The following ATP11C variants were observed in gnomAD, a reference collection of about 807,000 sequenced individuals.
ATP11C encodes the protein phospholipid-transporting ATPase IG.
A neutral mutation model predicts 97.4 loss-of-function variants in ATP11C; 36 were observed. The ratio of observed to expected loss-of-function variants is 0.37; its 90% CI spans 0.28 to 0.49. The LOEUF (loss-of-function observed/expected upper bound fraction) is 0.49, where lower values mean the gene tolerates loss of function less well. ATP11C is among the 20% of genes least tolerant of loss of function. The probability of loss-of-function intolerance (pLI) is 0.98; values close to 1 mark genes in which losing one functional copy is unlikely to be tolerated. For missense variants in ATP11C, 730 were observed against 824.6 expected, an observed-to-expected ratio of 0.89 and a Z score of 1.40; for synonymous variants, 275 against 290.9, an observed-to-expected ratio of 0.95 and a Z score of 0.56.
chrX:139,839,809 A>G (rs2083801163), intron 1 of ATP11C, among the ~76,000 whole-genome samples: 1 of 110,991 alleles, frequency 9.0e-6, no homozygotes, highest in Admixed American at 9.6e-5. Context: ...TCTTCCTCCT[A>G]TTTCCTCAAC....
intron 26 of ATP11C, among the ~76,000 whole-genome samples, chrX:139,742,069 G>A (rs1336657100): frequency 9.0e-6 from 1 of 111,714 alleles, no homozygotes; most frequent in Non-Finnish European, 1.9e-5. Context: ...CAAAGAGGAG[G>A]GAGTGGAAGT....
chrX:139,931,684 T>C (rs778576118), intron 1 of ATP11C, among the ~76,000 whole-genome samples: 2 of 111,982 alleles, frequency 1.8e-5, no homozygotes, highest in African/African-American at 6.5e-5. Context: ...CTTCGACTAA[T>C]TGGCAAACTG....
chrX:139,819,447 A>G lies in ATP11C; in HGVS notation c.148-20T>C. On this transcript the variant is annotated intron_variant, in intron 2 of 29. Transcript: ENST00000682941. ...TGTATACTGTAAGGGAGGAAGAAAA[A>G]AGAACACTGTTATGAAGAAAACTTG... The G allele has an allele frequency of 1.2e-6, 1 of 847,804 alleles. No homozygotes were observed. Among genetic ancestry groups the G allele is most frequent in the South Asian group, 2.9e-5 (1 of 34,560 alleles). The allele number at this position is 847,804 out of a possible 1,213,427, so 69.9% of individuals were successfully genotyped here.
intron 20 of ATP11C, among the ~76,000 whole-genome samples, chrX:139,765,357 G>C (rs2082115205): frequency 8.9e-6 from 1 of 112,110 alleles, no homozygotes; most frequent in African/African-American, 3.2e-5. Flanking sequence ...GCATATAAAT[G>C]AAGTAGTAGA....
chrX:139,857,364 T>C (rs1458788624), intron 1 of ATP11C, among the ~76,000 whole-genome samples: 2 of 111,980 alleles, frequency 1.8e-5, no homozygotes, highest in Non-Finnish European at 3.8e-5. Flanking sequence ...TTTCAAAGAA[T>C]TAATATGTCA....
Position 139,864,452 on chromosome X carries a change from G to A in ATP11C, c.28-37629C>T, listed in dbSNP as rs112222429. The stretch of plus-strand genomic sequence containing the variant: ...CTTGTTCAAGTGTGTGGCAGATGTG[G>A]AAAGTGACAGTAAAAAAGATTTTAG... On this transcript the variant is annotated intron_variant, in intron 1 of 29. Transcript: ENST00000682941. Among the ~76,000 whole-genome samples, 353 of 112,195 alleles carry A rather than the reference G, an allele frequency of 3.1e-3. 2 individuals carry two copies. The highest frequency in any genetic ancestry group is 9.7e-3 in the African/African-American group (300 of 30,895).
rs1362623574 is a variant in ATP11C, at chrX:139,787,074, ATTTTT to A, written c.1592+94_1592+98del. Reference sequence around the variant, plus strand: ...CTGAACTGGGAGAGCAGGGTCCTGTATTTTTAGTGGCATCATTTCCTTTGCTGCCC... The same window carrying A: ...CTGAACTGGGAGAGCAGGGTCCTGTAAGTGGCATCATTTCCTTTGCTGCCC... On this transcript the variant is annotated intron_variant, in intron 15 of 29. Transcript: ENST00000682941. 82 of 1,131,765 alleles carry A rather than the reference ATTTTT, an allele frequency of 7.2e-5. 1 individual carries two copies. The African/African-American group carries it at 8.7e-4, about 12-fold the overall frequency. The allele number at this position is 1,131,765 out of a possible 1,213,427, so 93.3% of individuals were successfully genotyped here. A position where few individuals can be genotyped will look rare whatever the true frequency, so the allele number is the denominator to read the frequency against.
chrX:139,777,112 G>A (rs747531588), intron 18 of ATP11C, among the ~76,000 whole-genome samples: 51 of 110,914 alleles, frequency 4.6e-4, no homozygotes, highest in African/African-American at 1.7e-3. Flanking sequence ...GAACTCTGGC[G>A]GTACAAAAAG....
At chrX:139,865,047 A>C (rs1335618554) in intron 1 of ATP11C, among the ~76,000 whole-genome samples, 1 of 112,028 alleles carries the variant, frequency 8.9e-6, no homozygotes, top group Non-Finnish European at 1.9e-5. Context: ...TACTGTGTCT[A>C]ATCAAAGTCA....
intron 1 of ATP11C, among the ~76,000 whole-genome samples, chrX:139,866,071 C>T (rs1365657173): frequency 2.7e-5 from 3 of 110,855 alleles, no homozygotes; most frequent in African/African-American, 6.5e-5. Flanking sequence ...AAGGGCCAAG[C>T]GCGGTGGCAC....
At chrX:139,933,408 A>C (rs917816118), upstream of ATP11C, among the ~76,000 whole-genome samples, 3 of 112,081 alleles carry the variant, frequency 2.7e-5, no homozygotes, top group Non-Finnish European at 5.6e-5. Context: ...AAATGTGCGC[A>C]TCAGGAAACC....
chrX:139,743,458 T>C (rs894451507), intron 26 of ATP11C, 101 bp downstream of exon 26: 1 of 508,871 alleles, frequency 2.0e-6, no homozygotes, highest in Non-Finnish European at 3.2e-6. Context: ...TAACAACCCA[T>C]AACAAGAAAT....
At chrX:139,842,243 AGGATGGTCTCG>A (rs2083845096) in intron 1 of ATP11C, among the ~76,000 whole-genome samples, 1 of 112,283 alleles carries the variant, frequency 8.9e-6, no homozygotes, top group Non-Finnish European at 1.9e-5. Context: ...CGTGTTAGCC[AGGATGGTCTCG>A]ATCTCCTGAC....
chrX:139,919,927 A>C (rs1423708245), intron 1 of ATP11C, among the ~76,000 whole-genome samples: 2 of 111,953 alleles, frequency 1.8e-5, no homozygotes, highest in Non-Finnish European at 1.9e-5. Context: ...TCAATAAAAA[A>C]ATAAAAAAGA....
chrX:139,736,792 G>A (rs951692878), intron 28 of ATP11C, among the ~76,000 whole-genome samples: 5 of 111,217 alleles, frequency 4.5e-5, no homozygotes, highest in Admixed American at 9.6e-5. Flanking sequence ...GACTGGCCTT[G>A]TATATGAAGA....
intron 20 of ATP11C, among the ~76,000 whole-genome samples, chrX:139,765,366 G>C (rs760098304): frequency 8.9e-6 from 1 of 112,099 alleles, no homozygotes; most frequent in East Asian, 2.8e-4. Context: ...TGAAGTAGTA[G>C]AGTTAGGTCA....
chrX:139,849,460 T>G (rs774993112), intron 1 of ATP11C, among the ~76,000 whole-genome samples: 8 of 112,037 alleles, frequency 7.1e-5, no homozygotes, highest in African/African-American at 9.8e-5. Context: ...CAGAAATGTG[T>G]TTGTTTTATT....
chrX:139,862,587 G>C (rs1237027509), intron 1 of ATP11C, among the ~76,000 whole-genome samples: 1 of 111,863 alleles, frequency 8.9e-6, no homozygotes, highest in African/African-American at 3.3e-5. Context: ...GTTGGTGTGA[G>C]AGCAGAGCTG....
intron 2 of ATP11C, among the ~76,000 whole-genome samples, chrX:139,822,077 C>CTCTA (rs1217945062): frequency 9.4e-6 from 1 of 106,930 alleles, no homozygotes; most frequent in Admixed American, 9.9e-5. Context: ...CAAGCATGAC[C>CTCTA]TCTATGGCAA....
Sources: allele counts gnomAD v4.1 joint callset (sites outside exome capture counted in the v4.1 genomes callset), GRCh38; gene constraint gnomAD v4.1.1; transcripts MANE v1.5; gene names NCBI Gene and HGNC (gene_info 2026-07-23, HGNC 2026-07-21).